Variants in PGAP1 observed in about 807,000 individuals in gnomAD.
PGAP1 encodes post-GPI attachment to proteins inositol deacylase 1.
A neutral mutation model predicts 127.0 loss-of-function variants in PGAP1; 76 were observed. The observed-to-expected ratio is 0.60, with a 90% CI of 0.50 to 0.72. The LOEUF (loss-of-function observed/expected upper bound fraction) is 0.72, where lower values mean the gene tolerates loss of function less well. Among genes scored for constraint, PGAP1 ranks in the 30% least tolerant of loss-of-function variants. The pLI is 0.00. For synonymous variants in PGAP1, 362 were observed against 366.5 expected (o/e 0.99, Z 0.14); for missense variants, 982 against 1,071.3 (o/e 0.92, Z 1.16).
chr2:196,875,240 T>C (rs1701528185), intron 14 of PGAP1, among the ~76,000 whole-genome samples: 2 of 152,188 alleles, frequency 1.3e-5, no homozygotes, highest in African/African-American at 4.8e-5. Context: ...ATAAAGCCTG[T>C]AGTTTAATTA....
chr2:196,841,853 C>T lies in PGAP1; in HGVS notation c.2631-481G>A, dbSNP rs190304850. 4.3e-4 allele frequency among the ~76,000 whole-genome samples: 66 copies of T among 152,214 alleles called. No homozygotes were observed. The East Asian group carries it at 0.012, about 28-fold the overall frequency. ...AATTTTTAAAAAGGTCAATACAAGC[C>T]ATACTTGGCTAGAAAAGAAAAATAT... On this transcript the variant is annotated intron_variant, in intron 26 of 26. Coordinates refer to ENST00000354764, the MANE Select transcript of PGAP1 (RefSeq NM_024989.4).
At chr2:196,880,339 T>C (rs985895584) in intron 12 of PGAP1, among the ~76,000 whole-genome samples, 186 bp from the exon 13 acceptor site, 4 of 152,164 alleles carry the variant, frequency 2.6e-5, no homozygotes, top group Middle Eastern at 3.4e-3. Context: ...GAAAATCAAG[T>C]TCCTAATAAT....
chr2:196,859,406 A>G (rs760937569), intron 20 of PGAP1, among the ~76,000 whole-genome samples: 1 of 152,186 alleles, frequency 6.6e-6, no homozygotes, highest in African/African-American at 2.4e-5. Flanking sequence ...ATGGGACCTG[A>G]TGGCTATGCT....
At chr2:196,852,312 A>G (rs1171229272) in intron 20 of PGAP1, among the ~76,000 whole-genome samples, 2 of 152,122 alleles carry the variant, frequency 1.3e-5, no homozygotes, top group African/African-American at 2.4e-5. Context: ...GCTTCAATAA[A>G]TGAGTACTCA....
intron 13 of PGAP1, among the ~76,000 whole-genome samples, chr2:196,878,285 T>C (rs1473272846): frequency 5.9e-5 from 9 of 152,200 alleles, no homozygotes; most frequent in Admixed American, 1.3e-4. Context: ...AAAACTCATT[T>C]ATGTTTCATA....
Position 196,836,624 on chromosome 2 carries a change from T to C in PGAP1, c.*4610A>G, listed in dbSNP as rs1215905438. On this transcript the variant is annotated 3_prime_UTR_variant, in exon 27 of 27. Coordinates refer to ENST00000354764, the MANE Select transcript of PGAP1 (RefSeq NM_024989.4). The stretch of plus-strand genomic sequence containing the variant: ...CTATTTCCTCAGGCTATTAAACATA[T>C]TGTGAAAGAATGCATGAGTAATGGG... 1 of 152,114 alleles carries C rather than the reference T, an allele frequency of 6.6e-6. No individual in the cohort carries two copies. The highest frequency in any genetic ancestry group is 1.9e-4 in the East Asian group (1 of 5,200). The allele number at this position is 152,114 out of a possible 1,614,324, so 9.4% of individuals were successfully genotyped here.
intron 26 of PGAP1, among the ~76,000 whole-genome samples, chr2:196,842,393 C>T (rs922789735): frequency 6.6e-6 from 1 of 152,036 alleles, no homozygotes; most frequent in Non-Finnish European, 1.5e-5. Flanking sequence ...CTCATGTAAG[C>T]ATTACTCAGC....
At chr2:196,883,405 C>T (rs770341705) in intron 12 of PGAP1, among the ~76,000 whole-genome samples, 5 of 152,228 alleles carry the variant, frequency 3.3e-5, no homozygotes, top group East Asian at 1.9e-4. Flanking sequence ...GGCTTCACCC[C>T]GACTTAGCAA....
chr2:196,843,648 G>A (rs1291532375), intron 25 of PGAP1, among the ~76,000 whole-genome samples: 1 of 152,036 alleles, frequency 6.6e-6, no homozygotes, highest in Non-Finnish European at 1.5e-5. Flanking sequence ...TAAATTGCTT[G>A]AACCCAGAAG....
At chr2:196,901,397 A>C (rs1192080318) in intron 5 of PGAP1, among the ~76,000 whole-genome samples, 1 of 152,218 alleles carries the variant, frequency 6.6e-6, no homozygotes, top group Non-Finnish European at 1.5e-5. Flanking sequence ...ATGAACAGTA[A>C]TCTAAAGTAG....
intron 13 of PGAP1, among the ~76,000 whole-genome samples, chr2:196,879,567 C>T (rs1279078417): frequency 3.9e-5 from 6 of 152,052 alleles, no homozygotes; most frequent in South Asian, 2.1e-4. Context: ...TGGTAGCATG[C>T]GCCTGTAGTC....
At chr2:196,911,872 G>T (rs1356512902) in intron 4 of PGAP1, among the ~76,000 whole-genome samples, 1 of 152,056 alleles carries the variant, frequency 6.6e-6, no homozygotes, top group Non-Finnish European at 1.5e-5. Flanking sequence ...CAAAATTCCT[G>T]CAAGATTATA....
chr2:196,885,147 A>T (rs958142511), intron 12 of PGAP1, among the ~76,000 whole-genome samples: 10 of 152,204 alleles, frequency 6.6e-5, no homozygotes, highest in Non-Finnish European at 1.5e-4. Flanking sequence ...TTAGAAATCC[A>T]TCCAGTTCTT....
rs1236460001 is a variant in PGAP1, at chr2:196,834,516, C to A, written c.*6718G>T. The A allele has an allele frequency of 6.6e-6, 1 of 152,382 alleles. No individual in the cohort carries two copies. The highest frequency in any genetic ancestry group is 2.4e-5 in the African/African-American group (1 of 41,414). The allele number at this position is 152,382 out of a possible 1,614,324, so 9.4% of individuals were successfully genotyped here. ...CAAGGTCACAGTGATGATATATATT[C>A]AATTTTGGTCTGGTTTCTCATGGGT... On this transcript the variant is annotated 3_prime_UTR_variant, in exon 27 of 27. Coordinates refer to ENST00000354764, the MANE Select transcript of PGAP1 (RefSeq NM_024989.4).
intron 19 of PGAP1, among the ~76,000 whole-genome samples, chr2:196,869,508 G>T (rs1701345463): frequency 6.6e-6 from 1 of 152,032 alleles, no homozygotes; most frequent in African/African-American, 2.4e-5. Flanking sequence ...CTAATTTTTT[G>T]TATTTTTAAT....
chr2:196,894,673 G>A (rs371226620), intron 7 of PGAP1, among the ~76,000 whole-genome samples: 4 of 152,172 alleles, frequency 2.6e-5, no homozygotes, highest in African/African-American at 9.6e-5. Flanking sequence ...ATGGTGGTGG[G>A]CACCTGTGGT....
In PGAP1 at chr2:196,847,946, C is replaced by A. The variant is rs587777202; in HGVS notation, c.1952+1G>T. 6.4e-7 allele frequency: 1 copy of A among 1,557,626 alleles called. No individual in the cohort carries two copies. Among genetic ancestry groups the A allele is most frequent in the Non-Finnish European group, 8.7e-7 (1 of 1,151,928 alleles). On this transcript the variant is annotated splice_donor_variant, in intron 21 of 26. Transcript: ENST00000354764. LOFTEE classifies it high-confidence loss of function. ...TCATTATCACAGATAATAAAACTTA[C>A]CCCAACAGAAACTTAATGATAATTA...
Position 196,872,377 on chromosome 2 carries a change from A to G in PGAP1, c.1728+64T>C, listed in dbSNP as rs577384393. On this transcript the variant is annotated intron_variant, in intron 18 of 26. Coordinates refer to ENST00000354764, the MANE Select transcript of PGAP1 (RefSeq NM_024989.4). ...GCCACCATATATCTGAAGCTTATAT[A>G]AAAAGAACATTTCTAGCTTATTCTA... 8.6e-6 allele frequency: 10 copies of G among 1,160,828 alleles called. No individual in the cohort carries two copies. In the South Asian group the frequency reaches 1.3e-4, roughly 15 times the overall value. The allele number at this position is 1,160,828 out of a possible 1,614,324, so 71.9% of individuals were successfully genotyped here.
intron 13 of PGAP1, among the ~76,000 whole-genome samples, chr2:196,879,033 A>T (rs965304930): frequency 2.0e-5 from 3 of 152,106 alleles, no homozygotes; most frequent in African/African-American, 7.2e-5. Context: ...TCCTATAAAA[A>T]TCCTAACTAC....
Sources: gnomAD v4.1 joint callset for allele counts (sites outside exome capture counted in the v4.1 genomes callset) on GRCh38, gnomAD v4.1.1 for gene constraint, MANE v1.5 for transcripts, NCBI Gene and HGNC (gene_info 2026-07-23, HGNC 2026-07-21) for gene names.